The following NOTCH1 variants were observed in gnomAD, a reference collection of about 807,000 sequenced individuals.
The protein encoded by NOTCH1 is notch receptor 1.
Under a neutral mutation model 254.8 loss-of-function variants are expected in NOTCH1, and 37 were observed. That is an observed-to-expected ratio of 0.15 (90% CI 0.11 to 0.19). NOTCH1 has a LOEUF of 0.19. NOTCH1 is among the 10% of genes least tolerant of loss of function. NOTCH1 has a pLI of 1.00. For missense variants in NOTCH1, 2,972 were observed against 3,708.6 expected (o/e 0.80, Z 5.16); for synonymous variants, 1,731 against 1,618.1 (o/e 1.07, Z -1.68).
At chr9:136,514,421 C>T in intron 13 of NOTCH1, 89 bp downstream of exon 13, 1 of 1,428,102 alleles carries the variant, frequency 7.0e-7, no homozygotes, top group Non-Finnish European at 9.5e-7. Flanking sequence ...TCTGGCCCAT[C>T]TCAAGCTCTG....
chr9:136,534,829 C>A (rs577006708), intron 2 of NOTCH1, among the ~76,000 whole-genome samples: 1 of 147,226 alleles, frequency 6.8e-6, no homozygotes, highest in East Asian at 2.0e-4. Context: ...CCCCCAGTTC[C>A]CTCTCACAGA....
rs1168948336 is a variant in NOTCH1, at chr9:136,516,126, T to C, written c.1556-32A>G. 4 of 1,523,738 alleles carry C rather than the reference T, an allele frequency of 2.6e-6. No homozygotes were observed. The Admixed American group carries it at 6.7e-5, about 26-fold the overall frequency. 94.4% of individuals were successfully genotyped at this position (1,523,738 alleles called of 1,614,324 possible). On this transcript the variant is annotated intron_variant, in intron 9 of 33. Transcript: ENST00000651671. ...CCGGGGAGGGGAGGGGAGGGAGTCA[T>C]GTGCAACAGCACTATGGCCCTTCAG...
chr9:136,526,582 C>T (rs1226947474), intron 2 of NOTCH1, among the ~76,000 whole-genome samples: 1 of 152,140 alleles, frequency 6.6e-6, no homozygotes, highest in African/African-American at 2.4e-5. Context: ...GCTGGAGGTC[C>T]GAGCCCCTAG....
chr9:136,519,334 G>A (rs1303532657), intron 5 of NOTCH1, 109 bp downstream of exon 5: 5 of 1,497,112 alleles, frequency 3.3e-6, no homozygotes. Context: ...AGTCTGCCTG[G>A]CCTGGGACAG....
chr9:136,535,997 G>GA (rs1843650811), intron 2 of NOTCH1, among the ~76,000 whole-genome samples: 1 of 148,340 alleles, frequency 6.7e-6, no homozygotes, highest in African/African-American at 2.4e-5. Flanking sequence ...GGGTGGGGGG[G>GA]AGCACTCAGG....
chr9:136,497,314 G>C lies in NOTCH1; in HGVS notation c.6425C>G (p.Pro2142Arg). The C allele has an allele frequency of 6.2e-7, 1 of 1,607,258 alleles. No homozygotes were observed. Among genetic ancestry groups the C allele is most frequent in the Non-Finnish European group, 8.5e-7 (1 of 1,179,732 alleles). ...TPTLSPPLCS[P>R]NGYLGSLKPG... ...CTTGAGGCTGCCCAGGTAGCCGTTG[G>C]GCGAGCAGAGCGGGGGCGACAGGGT... The change falls in exon 34 of 34, where the codon CCC becomes CGC. Residue 2142 changes from proline to arginine, a missense_variant. Pro to Arg is a moderately radical substitution (Grantham distance 103, BLOSUM62 -2). Transcript: ENST00000651671.
chr9:136,543,542 GGAGGCATCACTACCAGCCCAA>G (rs1422674630), intron 2 of NOTCH1: 3 of 316,174 alleles, frequency 9.5e-6, no homozygotes, highest in South Asian at 2.5e-5. Flanking sequence ...CTGTGCCAGA[GGAGGCATCACTACCAGCCCAA>G]GAGGCATCAC....
rs756571156 is a variant in NOTCH1, at chr9:136,497,326, G to T, written c.6413C>A (p.Pro2138Gln). The T allele has an allele frequency of 6.2e-7, 1 of 1,606,126 alleles. No homozygotes were observed. The highest frequency in any genetic ancestry group is 8.5e-7 in the Non-Finnish European group (1 of 1,179,386). The change falls in exon 34 of 34, where the codon CCG becomes CAG. Residue 2138 changes from proline (P) to glutamine (Q), a missense_variant. This residue lies in a region of NOTCH1 where 529 missense variants were observed against 529.2 expected (regional missense o/e 1.00). Transcript: ENST00000651671. ...PLGGTPTLSP[P>Q]LCSPNGYLGS... ...CAGGTAGCCGTTGGGCGAGCAGAGC[G>T]GGGGCGACAGGGTGGGCGTGCCCCC...
At chr9:136,543,411 C>G (rs1843761504) in intron 2 of NOTCH1, 1 of 249,608 alleles carries the variant, frequency 4.0e-6, no homozygotes, top group Non-Finnish European at 8.1e-6. Context: ...CATCACGCAC[C>G]CAGAGGAGGC....
chr9:136,503,663 C>T (rs1325064383), intron 26 of NOTCH1, among the ~76,000 whole-genome samples: 3 of 152,212 alleles, frequency 2.0e-5, no homozygotes, highest in African/African-American at 7.2e-5. Context: ...GCCCAGTCCT[C>T]CCCCAGGAGC....
At chr9:136,524,204 G>C (rs1007563054) in intron 2 of NOTCH1, among the ~76,000 whole-genome samples, 1 of 152,244 alleles carries the variant, frequency 6.6e-6, no homozygotes, top group African/African-American at 2.4e-5. Flanking sequence ...ACTGAATGAG[G>C]CTGAAGCAGG....
intron 2 of NOTCH1, among the ~76,000 whole-genome samples, chr9:136,531,317 A>C (rs1438465284): frequency 6.6e-6 from 1 of 152,192 alleles, no homozygotes; most frequent in African/African-American, 2.4e-5. Flanking sequence ...CACCACCCGG[A>C]TCTGAAGGCA....
chr9:136,507,365 C>A lies in NOTCH1; in HGVS notation c.3583G>T (p.Gly1195Trp), dbSNP rs777194812. 1.2e-6 allele frequency: 2 copies of A among 1,612,648 alleles called. No individual in the cohort carries two copies. The highest frequency in any genetic ancestry group is 2.7e-5 in the African/African-American group (2 of 74,934). ...TTGGGGAGGTCGAGGCAGGTGCCCC[C>A]GTTCTGGCAGGGGTGGGAGAGGCAC... ...DECLSHPCQN[G>W]GTCLDLPNTY... Residue 1195 changes from glycine to tryptophan, a missense_variant, in exon 22 of 34, where the codon GGG (glycine) becomes TGG (tryptophan). Coordinates refer to ENST00000651671, the MANE Select transcript of NOTCH1 (RefSeq NM_017617.5).
intron 22 of NOTCH1, 135 bp downstream of exon 22, chr9:136,507,170 C>T (rs1342810987): frequency 1.2e-5 from 18 of 1,519,878 alleles, no homozygotes; most frequent in East Asian, 2.4e-5. Flanking sequence ...AGCTGTGAGT[C>T]GGCCTTGGCC....
rs1843811845 is a variant in NOTCH1 at position 136,545,993 on chromosome 9, C to A, written c.-207G>T. Among the ~76,000 whole-genome samples the A allele has an allele frequency of 8.0e-6, 1 of 124,934 alleles. No individual in the cohort carries two copies. The highest frequency in any genetic ancestry group is 2.5e-4 in the South Asian group (1 of 4,010). The allele number at this position is 124,934 out of a possible 152,430, so 82.0% of individuals were successfully genotyped here. Reference sequence around the variant, plus strand: ...CGTTCCTTCGCTGCGCTCGCGCCCGCGCCCGCGCCCCGCGCCCCGCGCCCT... The same window carrying A: ...CGTTCCTTCGCTGCGCTCGCGCCCGAGCCCGCGCCCCGCGCCCCGCGCCCT... On this transcript the variant is annotated 5_prime_UTR_variant, in exon 1 of 34. Coordinates refer to ENST00000651671, the MANE Select transcript of NOTCH1 (RefSeq NM_017617.5). This position sits in a 1 kb window ranked among gnomAD's most constrained non-coding sequence, Gnocchi z 6.8.
intron 30 of NOTCH1, 105 bp from the exon 31 acceptor site, chr9:136,500,952 C>T (rs1393576742): frequency 3.1e-6 from 4 of 1,283,072 alleles, no homozygotes; most frequent in Non-Finnish European, 4.2e-6. Context: ...GGTGTGGATG[C>T]ACCACCCAGC....
At chr9:136,504,210 T>TA (rs1414830513) in intron 26 of NOTCH1, among the ~76,000 whole-genome samples, 8 of 152,214 alleles carry the variant, frequency 5.3e-5, no homozygotes, top group Non-Finnish European at 1.2e-4. Context: ...AATACTTTTT[T>TA]AAAAAAAACA....
intron 2 of NOTCH1, among the ~76,000 whole-genome samples, chr9:136,536,114 A>G (rs983161312): frequency 6.6e-6 from 1 of 152,042 alleles, no homozygotes; most frequent in East Asian, 1.9e-4. Context: ...ACTGAAAGCA[A>G]CCCCAAAATG....
At chr9:136,510,954 C>G in intron 16 of NOTCH1, 149 bp from the exon 17 acceptor site, 1 of 1,393,488 alleles carries the variant, frequency 7.2e-7, no homozygotes, top group Non-Finnish European at 9.9e-7. Flanking sequence ...TAATTTTGGC[C>G]TAAGAAGGTC....
Sources: gnomAD v4.1 joint callset for allele counts (sites outside exome capture counted in the v4.1 genomes callset) on GRCh38, gnomAD v4.1.1 for gene constraint, gnomAD v4.1.1 regional missense constraint, Gnocchi (gnomAD v3.1) non-coding constraint, MANE v1.5 for transcripts, NCBI Gene and HGNC (gene_info 2026-07-23, HGNC 2026-07-21) for gene names.